The following SHCBP1 variants were observed in gnomAD, a reference collection of about 807,000 sequenced individuals.
The protein encoded by SHCBP1 is SHC SH2 domain-binding protein 1.
A neutral mutation model predicts 75.1 loss-of-function variants in SHCBP1; 60 were observed. The observed-to-expected ratio is 0.80, with a 90% CI of 0.65 to 0.99. The LOEUF is 0.99. Ranked by LOEUF, SHCBP1 falls within the 50% of genes least tolerant of loss-of-function variation. The probability of loss-of-function intolerance (pLI) is 0.00; values close to 1 mark genes in which losing one functional copy is unlikely to be tolerated. For missense variants in SHCBP1, 709 were observed against 809.4 expected (o/e 0.88, Z 1.50); for synonymous variants, 290 against 293.2 (o/e 0.99, Z 0.11).
chr16:46,617,585 A>G, intron 3 of SHCBP1, 49 bp downstream of exon 3: 1 of 1,435,066 alleles, frequency 7.0e-7, no homozygotes, highest in Admixed American at 1.8e-5. Flanking sequence ...AGTCTGAAGT[A>G]AAGTGCTTAA....
Position 46,599,669 on chromosome 16 carries a change from TAAAAAAAA to T in SHCBP1, c.1345+154_1345+161del, listed in dbSNP as rs1555519115. ...CAGGGTTGCCACAACCTTCAATTTG[TAAAAAAAA>T]AAAAAAAAAAAAAAACTCAGCATCG... On this transcript the variant is annotated intron_variant, in intron 9 of 12. Coordinates refer to ENST00000303383, the MANE Select transcript of SHCBP1 (RefSeq NM_024745.5). Among the ~76,000 whole-genome samples the T allele has an allele frequency of 1.7e-4, 4 of 23,136 alleles. 1 individual carries two copies. Among genetic ancestry groups the T allele is most frequent in the African/African-American group, 6.7e-4 (4 of 5,948 alleles). 15.2% of individuals were successfully genotyped at this position (23,136 alleles called of 152,430 possible). A position where few individuals can be genotyped will look rare whatever the true frequency, so the allele number is the denominator to read the frequency against.
chr16:46,618,461 A>C (rs1965537586), intron 1 of SHCBP1, 89 bp from the exon 2 acceptor site: 29 of 1,352,818 alleles, frequency 2.1e-5, no homozygotes, highest in Non-Finnish European at 2.8e-5. Flanking sequence ...CCCAAACAAA[A>C]TACAAACAAG....
intron 1 of SHCBP1, 41 bp downstream of exon 1, chr16:46,621,216 C>T: frequency 6.4e-7 from 1 of 1,569,792 alleles, no homozygotes; most frequent in Non-Finnish European, 8.7e-7. Flanking sequence ...CCCAGGCCTC[C>T]GCTCAGAGGC....
chr16:46,620,907 G>A (rs1596694483), intron 1 of SHCBP1: 1 of 224,720 alleles, frequency 4.4e-6, no homozygotes, highest in East Asian at 9.2e-5. Context: ...TCTCCTTTGA[G>A]ATGCAGATGA....
In SHCBP1 at chr16:46,608,486, C is replaced by A; in HGVS notation, c.597-97G>T. ...CTAAAGAGTAAATCAAAACAATTCT[C>A]ATATCTTAGAGAATGCTGCATATTT... is the stretch of plus-strand genomic sequence containing the variant. On this transcript the variant is annotated intron_variant, in intron 4 of 12. Coordinates refer to ENST00000303383, the MANE Select transcript of SHCBP1 (RefSeq NM_024745.5). 3.9e-6 allele frequency: 3 copies of A among 760,034 alleles called. No individual in the cohort carries two copies. The South Asian group carries it at 4.9e-5, about 12-fold the overall frequency. 47.1% of individuals were successfully genotyped at this position (760,034 alleles called of 1,614,324 possible).
chr16:46,587,533 T>C (rs1294268689), intron 10 of SHCBP1, among the ~76,000 whole-genome samples: 1 of 152,108 alleles, frequency 6.6e-6, no homozygotes, highest in Non-Finnish European at 1.5e-5. Context: ...TCAAACAGAA[T>C]ATAGGCAAGT....
At position 46,581,746 on chromosome 16, in the gene SHCBP1, C is replaced by T. The variant is rs1964873709; in HGVS notation, c.2002G>A (p.Gly668Ser). 6.2e-7 allele frequency: 1 copy of T among 1,613,120 alleles called. No homozygotes were observed. Among genetic ancestry groups the T allele is most frequent in the Non-Finnish European group, 8.5e-7 (1 of 1,179,376 alleles). Reference sequence around the variant, plus strand: ...CACTGTAGTCAGAAAAGAAATGTGCCAAAACTACCTTTCCCATTCCACTTG... The same window carrying T: ...CACTGTAGTCAGAAAAGAAATGTGCTAAAACTACCTTTCCCATTCCACTTG... Reference protein sequence around the residue: ...QFKWNGKGSFGTFLF With the variant: ...QFKWNGKGSFSTFLF Residue 668 changes from glycine to serine, a missense_variant, in exon 13 of 13, where the codon GGC becomes AGC. Coordinates refer to ENST00000303383, the MANE Select transcript of SHCBP1 (RefSeq NM_024745.5).
rs1555519117 is a variant in SHCBP1, at chr16:46,599,688, A to AAAC, written c.1345+142_1345+143insGTT. The AAAC allele has an allele frequency of 6.7e-5, 5 of 74,620 alleles. 1 individual carries two copies. Among genetic ancestry groups the AAAC allele is most frequent in the South Asian group, 4.2e-4 (1 of 2,380 alleles). The allele number at this position is 74,620 out of a possible 1,614,324, so 4.6% of individuals were successfully genotyped here. A position where few individuals can be genotyped will look rare whatever the true frequency, so the allele number is the denominator to read the frequency against. Reference sequence around the variant, plus strand: ...AATTTGTAAAAAAAAAAAAAAAAAAAAAAACTCAGCATCGTGAAGTGCAAT... The same window carrying AAAC: ...AATTTGTAAAAAAAAAAAAAAAAAAAAACAAAACTCAGCATCGTGAAGTGCAAT... On this transcript the variant is annotated intron_variant, in intron 9 of 12. Transcript: ENST00000303383.
intron 8 of SHCBP1, among the ~76,000 whole-genome samples, chr16:46,600,577 T>C (rs573597060): frequency 2.1e-4 from 32 of 152,376 alleles, no homozygotes; most frequent in African/African-American, 7.7e-4. Flanking sequence ...ATGATTCTAA[T>C]ATAAATTACA....
chr16:46,616,031 G>A lies in SHCBP1; in HGVS notation c.511C>T (p.His171Tyr). The stretch of plus-strand genomic sequence containing the variant: ...CACAGCTCCTGCAGGGGCAACCGAT[G>A]CTCCTTCAGATCAAGGAGCTCCTTC... ...CMKELLDLKE[H>Y]RLPLQELWVV... The change falls in exon 4 of 13, where the codon CAT becomes TAT. Residue 171 changes from histidine to tyrosine, a missense_variant. By Grantham distance (83) the His-to-Tyr change is moderately conservative. Transcript: ENST00000303383. The surrounding 1 kb of genome is among the most constrained non-coding windows in gnomAD (Gnocchi z 4.4). 1 of 1,614,198 alleles carries A rather than the reference G, an allele frequency of 6.2e-7. No individual in the cohort carries two copies. The highest frequency in any genetic ancestry group is 8.5e-7 in the Non-Finnish European group (1 of 1,180,036).
rs552719481 is a variant in SHCBP1 at position 46,599,325 on chromosome 16, T to C, written c.1345+506A>G. Among the ~76,000 whole-genome samples, 7 of 152,294 alleles carry C rather than the reference T, an allele frequency of 4.6e-5. No homozygotes were observed. The South Asian group carries it at 1.2e-3, about 27-fold the overall frequency. The stretch of plus-strand genomic sequence containing the variant: ...TGACTCTTCCTTTCACTTGAACACA[T>C]AGATGCCATTGTAGGGTTATTAACT... On this transcript the variant is annotated intron_variant, in intron 9 of 12. Coordinates refer to ENST00000303383, the MANE Select transcript of SHCBP1 (RefSeq NM_024745.5).
At chr16:46,605,622 G>A (rs1965314785) in intron 5 of SHCBP1, among the ~76,000 whole-genome samples, 1 of 152,080 alleles carries the variant, frequency 6.6e-6, no homozygotes. Context: ...ACAAACAGAT[G>A]CTCAGGGCCC....
At chr16:46,597,796 G>A (rs1284068805) in intron 9 of SHCBP1, among the ~76,000 whole-genome samples, 3 of 152,218 alleles carry the variant, frequency 2.0e-5, no homozygotes, top group Non-Finnish European at 4.4e-5. Context: ...ACACACAGTA[G>A]AAGGTTTTTC....
At position 46,604,004 on chromosome 16, in the gene SHCBP1, C is replaced by A; in HGVS notation, c.1063G>T (p.Glu355Ter). 6.2e-7 allele frequency: 1 copy of A among 1,612,524 alleles called. No individual in the cohort carries two copies. Among genetic ancestry groups the A allele is most frequent in the Non-Finnish European group, 8.5e-7 (1 of 1,179,670 alleles). ...RSLLTDRLCQ[E>*]PGEEEREIQF... ...ATTTCTCTTTCTTCCTCACCAGGCTCCTGGCAAAGCCTGTCCGTAAGCAGG... is the reference window on the plus strand; with the variant it reads ...ATTTCTCTTTCTTCCTCACCAGGCTACTGGCAAAGCCTGTCCGTAAGCAGG... The change falls in exon 7 of 13, where the codon GAG (glutamate) becomes TAG (stop). Residue 355 changes from glutamate to a stop codon, truncating the protein, a stop_gained. Transcript: ENST00000303383. LOFTEE classifies it high-confidence loss of function.
intron 10 of SHCBP1, among the ~76,000 whole-genome samples, chr16:46,593,200 C>A (rs995706935): frequency 6.6e-6 from 1 of 151,878 alleles, no homozygotes; most frequent in Non-Finnish European, 1.5e-5. Context: ...TAACATTACT[C>A]TCTATATAGA....
intron 4 of SHCBP1, among the ~76,000 whole-genome samples, chr16:46,610,691 T>C (rs997729294): frequency 6.6e-6 from 1 of 151,190 alleles, no homozygotes; most frequent in Non-Finnish European, 1.5e-5. Context: ...CCCGAGTAGC[T>C]GGGATTACAG....
chr16:46,619,728 A>G (rs1965556258), intron 1 of SHCBP1, among the ~76,000 whole-genome samples: 1 of 152,310 alleles, frequency 6.6e-6, no homozygotes, highest in African/African-American at 2.4e-5. Flanking sequence ...TAGAAGTTAT[A>G]TACATTTAAA....
chr16:46,613,912 C>A lies in SHCBP1; in HGVS notation c.596+2034G>T, dbSNP rs115600349. 7.7e-3 allele frequency among the ~76,000 whole-genome samples: 1,176 copies of A among 152,286 alleles called. 15 individuals carry two copies. The highest frequency in any genetic ancestry group is 0.027 in the African/African-American group (1,114 of 41,554). ...GGCACTGATCCAAATCTCAGCCCTC[C>A]AAATGAAGTGTAAATTTAACCAGGC... is the stretch of plus-strand genomic sequence containing the variant. On this transcript the variant is annotated intron_variant, in intron 4 of 12. Coordinates refer to ENST00000303383, the MANE Select transcript of SHCBP1 (RefSeq NM_024745.5).
chr16:46,587,006 A>AG (rs1227370532), intron 10 of SHCBP1, among the ~76,000 whole-genome samples: 10 of 152,138 alleles, frequency 6.6e-5, no homozygotes, highest in African/African-American at 2.4e-4. Context: ...AACATCAAAA[A>AG]GAAAAAAAAA....
Sources: gnomAD v4.1 joint callset for allele counts (sites outside exome capture counted in the v4.1 genomes callset) on GRCh38, gnomAD v4.1.1 for gene constraint, Gnocchi (gnomAD v3.1) non-coding constraint, MANE v1.5 for transcripts, NCBI Gene and HGNC (gene_info 2026-07-23, HGNC 2026-07-21) for gene names.